Variants in TPM3 observed in about 807,000 individuals in gnomAD.
The protein encoded by TPM3 is tropomyosin 3, also known as tropomyosin alpha-3 chain.
In TPM3, 16 loss-of-function variants were observed where a neutral mutation model predicts 43.1. The ratio of observed to expected loss-of-function variants is 0.37; its 90% CI spans 0.25 to 0.56. The LOEUF (loss-of-function observed/expected upper bound fraction) is 0.56. Among genes scored for constraint, TPM3 ranks in the 20% least tolerant of loss-of-function variants. The pLI is 0.77. For synonymous variants in TPM3, 101 were observed against 116.9 expected, an observed-to-expected ratio of 0.86 and a Z score of 0.88; for missense variants, 176 against 337.2, an observed-to-expected ratio of 0.52 and a Z score of 3.74.
Position 154,183,004 on chromosome 1 carries a change from C to T in TPM3, c.244-6756G>A, listed in dbSNP as rs115672744. 1.6e-4 allele frequency: 250 copies of T among 1,610,810 alleles called. No individual in the cohort carries two copies. In the African/African-American group the frequency reaches 2.9e-3, roughly 19 times the overall value. On this transcript the variant is annotated intron_variant, in intron 2 of 9. Coordinates refer to ENST00000651641, the MANE Select transcript of TPM3 (RefSeq NM_152263.4). ...TCTCCGTACCTGTTCCCGGGCCCGC[C>T]TTTCTCCCTCAACTTCTCGCTGGAG...
chr1:154,170,768 C>T (rs1020574580), intron 6 of TPM3, 57 bp from the exon 7 acceptor site: 1 of 1,136,532 alleles, frequency 8.8e-7, no homozygotes, highest in African/African-American at 1.5e-5. Flanking sequence ...CAGGCAATAC[C>T]CCCCTCCCTA....
Position 154,167,746 on chromosome 1 carries a change from G to A in TPM3, c.*191C>T. ...TGACACAAATGCAGGGTGGCATGAG[G>A]TTTCCAGCAGCTTAACATTTTAATT... is the stretch of plus-strand genomic sequence containing the variant. On this transcript the variant is annotated 3_prime_UTR_variant, in exon 10 of 10. Coordinates refer to ENST00000651641, the MANE Select transcript of TPM3 (RefSeq NM_152263.4). 6.8e-7 allele frequency: 1 copy of A among 1,466,130 alleles called. No individual in the cohort carries two copies. Among genetic ancestry groups the A allele is most frequent in the Non-Finnish European group, 9.1e-7 (1 of 1,104,868 alleles). 90.8% of individuals were successfully genotyped at this position (1,466,130 alleles called of 1,614,324 possible). A position where few individuals can be genotyped will look rare whatever the true frequency, so the allele number is the denominator to read the frequency against.
intron 2 of TPM3, among the ~76,000 whole-genome samples, chr1:154,182,324 A>G (rs2148279889): frequency 6.6e-6 from 1 of 152,304 alleles, no homozygotes; most frequent in Admixed American, 6.5e-5. Flanking sequence ...GAGTGGGTGT[A>G]GCAGCTGCAA....
chr1:154,159,024 C>CAAA, downstream of TPM3: 1 of 780,638 alleles, frequency 1.3e-6, no homozygotes, highest in Non-Finnish European at 2.4e-6. Flanking sequence ...CAGGCGGTTT[C>CAAA]GCTCAAGTTG....
At position 154,163,358 on chromosome 1, in the gene TPM3, CTAAAG is replaced by C. The variant is rs886045293; in HGVS notation, c.*4574_*4578del. On this transcript the variant is annotated 3_prime_UTR_variant, in exon 10 of 10. Coordinates refer to ENST00000651641, the MANE Select transcript of TPM3 (RefSeq NM_152263.4). ...AAAAGTTCTGTTGGAAAGCCCTGCTCTAAAGTAAATTATATTGCCTATATAATCTT... is the reference window on the plus strand; with the variant it reads ...AAAAGTTCTGTTGGAAAGCCCTGCTCTAAATTATATTGCCTATATAATCTT... Among the ~76,000 whole-genome samples the C allele has an allele frequency of 8.5e-5, 13 of 152,300 alleles. No individual in the cohort carries two copies. The East Asian group carries it at 2.5e-3, about 29-fold the overall frequency.
chr1:154,189,904 T>C (rs1240801908), intron 2 of TPM3, among the ~76,000 whole-genome samples: 2 of 151,972 alleles, frequency 1.3e-5, no homozygotes, highest in East Asian at 3.9e-4. Context: ...ACTCTGTCTG[T>C]CCTTCTAGCT....
At chr1:154,158,732 A>G (rs1660055119), downstream of TPM3, 8 of 514,450 alleles carry the variant, frequency 1.6e-5, no homozygotes, top group South Asian at 1.6e-4. Flanking sequence ...TTTTCTCACT[A>G]TAATCTCTCA....
At chr1:154,182,596 C>T (rs1049465842) in intron 2 of TPM3, among the ~76,000 whole-genome samples, 1 of 152,172 alleles carries the variant, frequency 6.6e-6, no homozygotes, top group African/African-American at 2.4e-5. Flanking sequence ...CACTCTTACC[C>T]CTTGGGCAGG....
In TPM3 at chr1:154,191,294, T is replaced by C. The variant is rs1182355390; in HGVS notation, c.135A>G (p.Ala45=). 1 of 1,614,036 alleles carries C rather than the reference T, an allele frequency of 6.2e-7. No homozygotes were observed. The highest frequency in any genetic ancestry group is 1.1e-5 in the South Asian group (1 of 91,088). Residue 45 remains alanine (A), a synonymous_variant, in exon 2 of 10, where the codon GCA becomes GCG. Coordinates refer to ENST00000651641, the MANE Select transcript of TPM3 (RefSeq NM_152263.4). ...TCCCTTTCAGCTTCTTCTGCATGGC[T>C]GCCAGCTCATCCTCCAGCTATAGGA... ...ERSKQLEDEL[A]AMQKKLKGTE...
In TPM3 at chr1:154,191,281, T is replaced by G. The variant is rs750629449; in HGVS notation, c.148A>C (p.Lys50Gln). 6.2e-7 allele frequency: 1 copy of G among 1,614,144 alleles called. No individual in the cohort carries two copies. Among genetic ancestry groups the G allele is most frequent in the Non-Finnish European group, 8.5e-7 (1 of 1,180,030 alleles). The change falls in exon 2 of 10, where the codon AAG becomes CAG. Residue 50 changes from lysine (K) to glutamine (Q), a missense_variant. This residue lies in a region of TPM3 where 82 missense variants were observed against 148.8 expected (regional missense o/e 0.55). Transcript: ENST00000651641. Reference protein sequence around the residue: ...LEDELAAMQKKLKGTEDELDK... With the variant: ...LEDELAAMQKQLKGTEDELDK... ...AGCTCATCCTCTGTCCCTTTCAGCTTCTTCTGCATGGCTGCCAGCTCATCC... is the reference window on the plus strand; with the variant it reads ...AGCTCATCCTCTGTCCCTTTCAGCTGCTTCTGCATGGCTGCCAGCTCATCC...
At chr1:154,161,108 A>G, downstream of TPM3, among the ~76,000 whole-genome samples, 1 of 149,202 alleles carries the variant, frequency 6.7e-6, no homozygotes, top group Non-Finnish European at 1.5e-5. Context: ...GGGATGCTCA[A>G]CTGGAAAGTA....
chr1:154,157,538 T>C (rs1173638227), downstream of TPM3: 6 of 765,230 alleles, frequency 7.8e-6, no homozygotes, highest in African/African-American at 6.8e-5. Flanking sequence ...AGCCTTCCAG[T>C]TAAAGATCAG....
At chr1:154,173,605 G>C (rs534552472) in intron 3 of TPM3, among the ~76,000 whole-genome samples, 1 of 151,798 alleles carries the variant, frequency 6.6e-6, no homozygotes, top group Non-Finnish European at 1.5e-5. Flanking sequence ...TGGAGGTTGC[G>C]GTGAGCCGAG....
At chr1:154,170,562 A>G in intron 7 of TPM3, 87 bp downstream of exon 7, 1 of 1,599,496 alleles carries the variant, frequency 6.3e-7, no homozygotes, top group Middle Eastern at 1.7e-4. Flanking sequence ...ACCTTTCAGA[A>G]CCCAAACCAG....
Position 154,165,754 on chromosome 1 carries a change from A to C in TPM3, c.*2183T>G, listed in dbSNP as rs1482371441. On this transcript the variant is annotated 3_prime_UTR_variant, in exon 10 of 10. Coordinates refer to ENST00000651641, the MANE Select transcript of TPM3 (RefSeq NM_152263.4). The stretch of plus-strand genomic sequence containing the variant: ...CAGTGAGCTGAGATCAGGCCACTGA[A>C]CTCCAGCCTAGGTGACAAGAGTCAA... Among the ~76,000 whole-genome samples the C allele has an allele frequency of 6.7e-6, 1 of 149,984 alleles. No homozygotes were observed. Among genetic ancestry groups the C allele is most frequent in the African/African-American group, 2.5e-5 (1 of 40,668 alleles).
At chr1:154,168,226 T>C (rs1302614099) in intron 9 of TPM3, among the ~76,000 whole-genome samples, 13 of 152,138 alleles carry the variant, frequency 8.5e-5, no homozygotes, top group Non-Finnish European at 1.6e-4. Flanking sequence ...TCAGCTCAAT[T>C]CTTAGGTGAA....
intron 3 of TPM3, among the ~76,000 whole-genome samples, chr1:154,174,366 G>GTA (rs1367134531): frequency 6.7e-5 from 1 of 14,976 alleles, no homozygotes; most frequent in Admixed American, 1.4e-3. Flanking sequence ...TTAAATATAT[G>GTA]TGTATATATA....
At position 154,166,357 on chromosome 1, in the gene TPM3, G is replaced by T; in HGVS notation, c.*1580C>A. On this transcript the variant is annotated 3_prime_UTR_variant, in exon 10 of 10. Transcript: ENST00000651641. ...TTTGACCTGCTCCATTTCCGACCTG[G>T]GCCAGTTCACCCCTTCTTAGGCAAC... The T allele has an allele frequency of 4.0e-6, 1 of 249,590 alleles. No homozygotes were observed. The highest frequency in any genetic ancestry group is 7.4e-6 in the Non-Finnish European group (1 of 134,926). 15.5% of individuals were successfully genotyped at this position (249,590 alleles called of 1,614,324 possible). A position where few individuals can be genotyped will look rare whatever the true frequency, so the allele number is the denominator to read the frequency against.
chr1:154,188,197 C>T (rs1034379706), intron 2 of TPM3, among the ~76,000 whole-genome samples: 2 of 151,470 alleles, frequency 1.3e-5, no homozygotes, highest in South Asian at 2.1e-4. Flanking sequence ...GCGGGACTAC[C>T]GGCACATGCC....
Sources: gnomAD v4.1 joint callset for allele counts (sites outside exome capture counted in the v4.1 genomes callset) on GRCh38, gnomAD v4.1.1 for gene constraint, gnomAD v4.1.1 regional missense constraint, MANE v1.5 for transcripts, NCBI Gene and HGNC (gene_info 2026-07-23, HGNC 2026-07-21) for gene names.